The following MYO3A variants were observed in gnomAD, a reference collection of about 807,000 sequenced individuals.
MYO3A encodes myosin-IIIa.
MYO3A carries 180 observed loss-of-function variants against 192.7 expected under a neutral mutation model. The observed-to-expected ratio is 0.93, with a 90% CI of 0.83 to 1.06. The LOEUF (loss-of-function observed/expected upper bound fraction) is 1.06, where lower values mean the gene tolerates loss of function less well. Ranked by LOEUF, MYO3A falls within the 50% of genes least tolerant of loss-of-function variation. MYO3A has a pLI of 0.00. For missense variants in MYO3A, 1,896 were observed against 1,905.0 expected (o/e 1.00, Z 0.09); for synonymous variants, 628 against 645.3 (o/e 0.97, Z 0.41).
At chr10:25,994,957 T>C (rs1307997814) in intron 4 of MYO3A, among the ~76,000 whole-genome samples, 3 of 152,220 alleles carry the variant, frequency 2.0e-5, no homozygotes, top group Non-Finnish European at 4.4e-5. Context: ...TTCCTTCATT[T>C]CAACCTTGGT....
At chr10:26,017,029 G>A in intron 7 of MYO3A, 133 bp downstream of exon 7, 7 of 1,020,154 alleles carry the variant, frequency 6.9e-6, no homozygotes, top group Non-Finnish European at 1.0e-5. Context: ...TTTCATGTGA[G>A]AATTTTGCAT....
rs1274536636 is a variant in MYO3A, at chr10:26,026,381, T to C, written c.802T>C (p.Leu268=). 11 of 1,614,018 alleles carry C rather than the reference T, an allele frequency of 6.8e-6. No homozygotes were observed. Among genetic ancestry groups the C allele is most frequent in the Non-Finnish European group, 9.3e-6 (11 of 1,180,006 alleles). ...AEFNDFISKC[L]TKDYEKRPTV... Reference sequence around the variant, plus strand: ...TGTTCTTTTTTGCCAGTGCAGGTGCTTGACTAAAGATTATGAAAAGCGTCC... The same window carrying C: ...TGTTCTTTTTTGCCAGTGCAGGTGCCTGACTAAAGATTATGAAAAGCGTCC... The change falls in exon 10 of 35, where the codon TTG becomes CTG. Residue 268 remains leucine (L), a synonymous_variant. Transcript: ENST00000642920.
rs762313427 is a variant in MYO3A at position 26,147,560 on chromosome 10, G to T, written c.2635+1G>T. 1 of 1,613,904 alleles carries T rather than the reference G, an allele frequency of 6.2e-7. No individual in the cohort carries two copies. The highest frequency in any genetic ancestry group is 1.1e-5 in the South Asian group (1 of 91,060). On this transcript the variant is annotated splice_donor_variant, in intron 23 of 34. Transcript: ENST00000642920. LOFTEE classifies it high-confidence loss of function. ...GTCAACCACCCTCTGACCAAAACAG[G>T]TAAGACAATTTTCCTTACCTGGAAG...
chr10:26,048,151 A>C (rs1480751177), intron 10 of MYO3A, among the ~76,000 whole-genome samples: 6 of 152,202 alleles, frequency 3.9e-5, no homozygotes, highest in Non-Finnish European at 8.8e-5. Context: ...CTTTGAGTAG[A>C]ATTCAAACTG....
At chr10:26,189,991 A>G (rs772646882) in intron 31 of MYO3A, among the ~76,000 whole-genome samples, 22 of 152,184 alleles carry the variant, frequency 1.4e-4, no homozygotes, top group Non-Finnish European at 2.8e-4. Context: ...TGAACCAGGG[A>G]GGCAGAGGTT....
intron 4 of MYO3A, among the ~76,000 whole-genome samples, chr10:25,976,989 C>A (rs920521671): frequency 5.3e-5 from 8 of 151,994 alleles, no homozygotes; most frequent in Non-Finnish European, 7.4e-5. Context: ...TTTTTAAAAA[C>A]TCATATTTCA....
chr10:25,953,724 C>T (rs1000773465), intron 3 of MYO3A, among the ~76,000 whole-genome samples: 1 of 152,132 alleles, frequency 6.6e-6, no homozygotes, highest in Non-Finnish European at 1.5e-5. Flanking sequence ...GGTATACCTA[C>T]AAGCCTTATA....
chr10:26,136,607 G>C (rs1296314268), intron 20 of MYO3A, among the ~76,000 whole-genome samples: 1 of 152,214 alleles, frequency 6.6e-6, no homozygotes, highest in African/African-American at 2.4e-5. Context: ...GTGTCAGAGG[G>C]AGTGGGGAGA....
chr10:25,996,004 G>T (rs1218964956), intron 4 of MYO3A, among the ~76,000 whole-genome samples: 1 of 152,218 alleles, frequency 6.6e-6, no homozygotes, highest in Non-Finnish European at 1.5e-5. Context: ...ACTCCATGCT[G>T]GGAGGACCAC....
At chr10:26,046,635 G>C (rs1423152933) in intron 10 of MYO3A, among the ~76,000 whole-genome samples, 1 of 152,210 alleles carries the variant, frequency 6.6e-6, no homozygotes, top group Non-Finnish European at 1.5e-5. Context: ...TATTAGCTAT[G>C]TACACAAATA....
chr10:26,086,160 C>CA (rs1307725957), intron 14 of MYO3A, among the ~76,000 whole-genome samples: 1 of 151,794 alleles, frequency 6.6e-6, no homozygotes, highest in African/African-American at 2.4e-5. Flanking sequence ...GGGAAGGCCT[C>CA]AAAAAAACTT....
chr10:26,165,613 T>C (rs997053991), intron 26 of MYO3A, among the ~76,000 whole-genome samples: 29 of 152,210 alleles, frequency 1.9e-4, no homozygotes, highest in Admixed American at 1.2e-3. Context: ...TATACAGTGA[T>C]GGGAAGTTTC....
At chr10:26,205,551 C>A (rs1392841375) in intron 34 of MYO3A, among the ~76,000 whole-genome samples, 1 of 147,800 alleles carries the variant, frequency 6.8e-6, no homozygotes, top group Admixed American at 6.8e-5. Flanking sequence ...TTTCACTTAG[C>A]ATTCTGTCCT....
chr10:26,024,617 C>G (rs1305984864), intron 9 of MYO3A, among the ~76,000 whole-genome samples: 1 of 152,152 alleles, frequency 6.6e-6, no homozygotes, highest in Non-Finnish European at 1.5e-5. Flanking sequence ...TCTTTCCTTT[C>G]CATATTTAGC....
intron 17 of MYO3A, among the ~76,000 whole-genome samples, chr10:26,107,724 C>T (rs1837909299): frequency 1.3e-5 from 2 of 151,566 alleles, no homozygotes. Context: ...GGCTTTGTTT[C>T]CTTTCTCATT....
At chr10:26,141,005 A>G (rs560259829) in intron 20 of MYO3A, among the ~76,000 whole-genome samples, 2,682 of 152,002 alleles carry the variant, frequency 0.018, 36 homozygotes, top group Admixed American at 0.024. Context: ...TCGGCTCACT[A>G]CAACCTCTCC....
chr10:26,122,415 G>A (rs1199339661), intron 18 of MYO3A, among the ~76,000 whole-genome samples: 2 of 152,108 alleles, frequency 1.3e-5, no homozygotes, highest in African/African-American at 4.8e-5. Context: ...TCCAAACCAA[G>A]GCTGCATTTC....
intron 4 of MYO3A, among the ~76,000 whole-genome samples, chr10:25,959,894 C>A (rs997230224): frequency 6.6e-6 from 1 of 151,702 alleles, no homozygotes; most frequent in Non-Finnish European, 1.5e-5. Context: ...AAGAGGGTTT[C>A]GAGTCTTTTG....
intron 14 of MYO3A, among the ~76,000 whole-genome samples, chr10:26,084,272 T>G (rs1464314138): frequency 1.3e-5 from 2 of 152,228 alleles, no homozygotes; most frequent in Non-Finnish European, 2.9e-5. Context: ...AAGCTAGACT[T>G]GCATGCCAGG....
Sources: allele counts gnomAD v4.1 joint callset (sites outside exome capture counted in the v4.1 genomes callset), GRCh38; gene constraint gnomAD v4.1.1; transcripts MANE v1.5; gene names NCBI Gene and HGNC (gene_info 2026-07-23, HGNC 2026-07-21).